ZNF385D: variants seen among roughly 807,000 people sequenced by gnomAD.
The protein encoded by ZNF385D is zinc finger protein 385D.
In ZNF385D, 15 loss-of-function variants were observed where a neutral mutation model predicts 35.8. The observed-to-expected ratio is 0.42, with a 90% confidence interval of 0.28 to 0.64. The LOEUF (loss-of-function observed/expected upper bound fraction) is 0.64, where lower values mean the gene tolerates loss of function less well. Among genes scored for constraint, ZNF385D ranks in the 30% least tolerant of loss-of-function variants. The pLI is 0.23. For synonymous variants in ZNF385D, 212 were observed against 186.8 expected (o/e 1.13, Z -1.10); for missense variants, 474 against 494.6 (o/e 0.96, Z 0.39).
chr3:21,986,543 T>C (rs995915069), intron 3 of ZNF385D, among the ~76,000 whole-genome samples: 1 of 145,328 alleles, frequency 6.9e-6, no homozygotes, highest in Non-Finnish European at 1.5e-5. Context: ...TAGTTTGTTA[T>C]AATTTCTGTT....
chr3:22,241,783 T>G (rs1205728088), intron 2 of ZNF385D, among the ~76,000 whole-genome samples: 1 of 150,832 alleles, frequency 6.6e-6, no homozygotes, highest in Non-Finnish European at 1.5e-5. Context: ...TAGAAAATAA[T>G]AGTGATGAAT....
intron 3 of ZNF385D, among the ~76,000 whole-genome samples, chr3:21,816,242 T>C (rs569088700): frequency 7.7e-4 from 117 of 152,278 alleles, no homozygotes; most frequent in African/African-American, 2.8e-3. Context: ...GAGCAAAAAC[T>C]GGAAGCATTC....
chr3:22,159,364 C>A (rs1705798962), intron 3 of ZNF385D, among the ~76,000 whole-genome samples: 1 of 152,040 alleles, frequency 6.6e-6, no homozygotes, highest in Non-Finnish European at 1.5e-5. Flanking sequence ...TCATCTAGCT[C>A]TTCAAAACAA....
rs537483034 is a variant in ZNF385D, at chr3:22,249,698, C to G, written c.107-80663G>C. On this transcript the variant is annotated intron_variant, in intron 2 of 5. Coordinates refer to the ZNF385D transcript ENST00000494108. ...GAGCAACAGCAGCAATCATTTTTGA[C>G]AAACCCTTTCAAAGCTCTGAGAAAT... Among the ~76,000 whole-genome samples the G allele has an allele frequency of 8.5e-5, 13 of 152,294 alleles. No individual in the cohort carries two copies. The East Asian group carries it at 2.5e-3, about 29-fold the overall frequency.
At chr3:22,147,236 C>T (rs928334688) in intron 3 of ZNF385D, among the ~76,000 whole-genome samples, 1 of 152,148 alleles carries the variant, frequency 6.6e-6, no homozygotes, top group African/African-American at 2.4e-5. Context: ...ATTTCATTCT[C>T]TCCTGGTAAG....
intron 3 of ZNF385D, among the ~76,000 whole-genome samples, chr3:22,089,799 C>T (rs1047386275): frequency 6.6e-6 from 1 of 152,086 alleles, no homozygotes; most frequent in Non-Finnish European, 1.5e-5. Context: ...CTAACAAATC[C>T]TCCATGACTT....
intron 3 of ZNF385D, among the ~76,000 whole-genome samples, chr3:22,087,068 A>C (rs1019042306): frequency 6.6e-6 from 1 of 152,222 alleles, no homozygotes; most frequent in Non-Finnish European, 1.5e-5. Context: ...CCTAGAACTT[A>C]AAGTACAATA....
At chr3:22,138,101 C>A (rs4419397) in intron 3 of ZNF385D, among the ~76,000 whole-genome samples, 137,205 of 151,818 alleles carry the variant, frequency 0.9, 62,231 homozygotes, top group African/African-American at 0.98. Flanking sequence ...TAGGAATCCA[C>A]CTTACAAGGG....
chr3:21,451,148 T>C (rs1339593565), intron 4 of ZNF385D, among the ~76,000 whole-genome samples: 1 of 152,114 alleles, frequency 6.6e-6, no homozygotes, highest in Non-Finnish European at 1.5e-5. Context: ...TTAGTCCAGA[T>C]GGATCAATAT....
chr3:22,089,834 A>AT (rs1255489260), intron 3 of ZNF385D, among the ~76,000 whole-genome samples: 4 of 151,996 alleles, frequency 2.6e-5, no homozygotes, highest in African/African-American at 9.7e-5. Context: ...GTAATTAACA[A>AT]TTTTTTATTT....
intron 5 of ZNF385D, among the ~76,000 whole-genome samples, chr3:21,429,592 G>T (rs1701196545): frequency 6.6e-6 from 1 of 151,986 alleles, no homozygotes; most frequent in Non-Finnish European, 1.5e-5. Flanking sequence ...TAGGGACAAA[G>T]AATATAACTA....
At chr3:21,853,811 T>C (rs1696555291) in intron 3 of ZNF385D, among the ~76,000 whole-genome samples, 1 of 151,858 alleles carries the variant, frequency 6.6e-6, no homozygotes, top group Non-Finnish European at 1.5e-5. Context: ...ACTGTGATGT[T>C]ATTCATTAAA....
At chr3:22,107,304 C>T (rs751778547) in intron 3 of ZNF385D, among the ~76,000 whole-genome samples, 8 of 151,746 alleles carry the variant, frequency 5.3e-5, no homozygotes, top group South Asian at 2.1e-4. Flanking sequence ...ATTACAGGCA[C>T]GAGCCACCGC....
intron 3 of ZNF385D, among the ~76,000 whole-genome samples, chr3:21,810,296 A>G (rs1352541198): frequency 3.3e-5 from 5 of 151,310 alleles, no homozygotes; most frequent in Non-Finnish European, 5.9e-5. Context: ...GATATAGAAA[A>G]GCACTTACCA....
chr3:21,820,447 G>T (rs985195798), intron 3 of ZNF385D, among the ~76,000 whole-genome samples: 1 of 151,346 alleles, frequency 6.6e-6, no homozygotes, highest in Admixed American at 6.6e-5. Context: ...ATAGTTAAGG[G>T]GTACAACAAA....
chr3:22,043,778 G>A (rs2125510567), intron 3 of ZNF385D, among the ~76,000 whole-genome samples: 1 of 152,182 alleles, frequency 6.6e-6, no homozygotes, highest in African/African-American at 2.4e-5. Context: ...ATGACAGGTT[G>A]TCATTTCCAA....
rs76017302 is a variant in ZNF385D, at chr3:22,297,384, A to G, written c.106+75066T>C. Among the ~76,000 whole-genome samples, 516 of 152,256 alleles carry G rather than the reference A, an allele frequency of 3.4e-3. 5 individuals carry two copies. The highest frequency in any genetic ancestry group is 0.012 in the African/African-American group (486 of 41,556). ...GCCTTTGGGAGGACAGCCTAGGGAA[A>G]GGACTCACACAGAACCTGGAGGAAT... On this transcript the variant is annotated intron_variant, in intron 2 of 5. Transcript: ENST00000494108.
At chr3:21,736,457 C>T (rs534478433) in intron 1 of ZNF385D, among the ~76,000 whole-genome samples, 1 of 152,310 alleles carries the variant, frequency 6.6e-6, no homozygotes, top group Admixed American at 6.5e-5. Flanking sequence ...TGCCCACCGA[C>T]TGTTTAAAGA....
intron 2 of ZNF385D, 30 bp downstream of exon 2, chr3:21,664,856 C>A (rs751357415): frequency 1.2e-6 from 2 of 1,612,930 alleles, no homozygotes; most frequent in East Asian, 2.2e-5. Context: ...ACCTTCCACT[C>A]AGGCAAAGAC....
Sources: allele counts gnomAD v4.1 joint callset (sites outside exome capture counted in the v4.1 genomes callset), GRCh38; gene constraint gnomAD v4.1.1; transcripts MANE v1.5; gene names NCBI Gene and HGNC (gene_info 2026-07-23, HGNC 2026-07-21).